The following PTPN13 variants were observed in gnomAD, a reference collection of about 807,000 sequenced individuals.
PTPN13 encodes the protein protein tyrosine phosphatase non-receptor type 13.
PTPN13 carries 191 observed loss-of-function variants against 284.0 expected under a neutral mutation model. That is an observed-to-expected ratio of 0.67 (90% CI 0.60 to 0.76). The LOEUF is 0.76. PTPN13 is among the 30% of genes least tolerant of loss of function. The pLI, the probability that PTPN13 is intolerant of heterozygous loss-of-function variation, is 0.00. For missense variants in PTPN13, 2,797 were observed against 2,939.9 expected (o/e 0.95, Z 1.12); for synonymous variants, 986 against 1,022.3 (o/e 0.96, Z 0.68).
intron 9 of PTPN13, 78 bp from the exon 10 acceptor site, chr4:86,722,134 T>A: frequency 8.1e-7 from 1 of 1,228,108 alleles, no homozygotes; most frequent in South Asian, 1.3e-5. Flanking sequence ...CAACCTTACT[T>A]AAAATGAAAT....
At chr4:86,657,697 G>A (rs1213776256) in intron 2 of PTPN13, among the ~76,000 whole-genome samples, 1 of 152,194 alleles carries the variant, frequency 6.6e-6, no homozygotes, top group African/African-American at 2.4e-5. Flanking sequence ...AGCAGGTGGT[G>A]AATCCTGCTG....
At chr4:86,694,451 G>T (rs918832145) in intron 6 of PTPN13, among the ~76,000 whole-genome samples, 1 of 151,256 alleles carries the variant, frequency 6.6e-6, no homozygotes, top group Non-Finnish European at 1.5e-5. Context: ...ATGGTGGCAG[G>T]CACCTGTAAT....
intron 2 of PTPN13, among the ~76,000 whole-genome samples, chr4:86,636,805 G>C (rs928021641): frequency 1.1e-4 from 17 of 152,022 alleles, no homozygotes; most frequent in Non-Finnish European, 2.2e-4. Flanking sequence ...AAAGCTACCA[G>C]AAGGCAAGAA....
At chr4:86,596,310 T>C (rs1763790653) in intron 1 of PTPN13, among the ~76,000 whole-genome samples, 1 of 152,230 alleles carries the variant, frequency 6.6e-6, no homozygotes, top group South Asian at 2.1e-4. Flanking sequence ...TTTGCATTTG[T>C]CCCACCATTT....
chr4:86,662,508 T>C (rs1726620743), intron 2 of PTPN13, among the ~76,000 whole-genome samples: 1 of 152,108 alleles, frequency 6.6e-6, no homozygotes, highest in Non-Finnish European at 1.5e-5. Flanking sequence ...ATTTTTATAA[T>C]TTTAGTAGAG....
rs1409870029 is a variant in PTPN13, at chr4:86,785,295, G to C, written c.6183G>C (p.Leu2061=). Residue 2061 remains leucine, a synonymous_variant, in exon 39 of 48, where the codon CTG becomes CTC. Coordinates refer to ENST00000411767, the MANE Select transcript of PTPN13 (RefSeq NM_080683.3). ...DSQEAEVIQS[L]LDVVDEEAQN... is the part of the protein sequence containing the mutation. ...AAGAAGCTGAAGTTATCCAGTCTCT[G>C]CTGGATGTTGTGGATGAGGAAGCCC... 1 of 1,604,118 alleles carries C rather than the reference G, an allele frequency of 6.2e-7. No individual in the cohort carries two copies. The highest frequency in any genetic ancestry group is 1.7e-5 in the Admixed American group (1 of 59,772).
chr4:86,660,745 G>C (rs1174623108), intron 2 of PTPN13, among the ~76,000 whole-genome samples: 1 of 152,026 alleles, frequency 6.6e-6, no homozygotes, highest in South Asian at 2.1e-4. Flanking sequence ...AATAATGTAG[G>C]TTATTTGATA....
intron 17 of PTPN13, among the ~76,000 whole-genome samples, chr4:86,750,172 A>G (rs550824806): frequency 4.6e-5 from 7 of 152,296 alleles, no homozygotes; most frequent in African/African-American, 1.7e-4. Flanking sequence ...CCTATAAGGA[A>G]TTTGGTGTCA....
Position 86,765,902 on chromosome 4 carries a change from A to C in PTPN13, c.4243+414A>C, listed in dbSNP as rs568011581. Among the ~76,000 whole-genome samples, 4 of 151,730 alleles carry C rather than the reference A, an allele frequency of 2.6e-5. No homozygotes were observed. In the East Asian group the frequency reaches 7.8e-4, roughly 30 times the overall value. Reference sequence around the variant, plus strand: ...GAGTGCAGTGGTGCGATCTCAGTTCACTGCAACCTCCGCCTCCTGGGTTCA... The same window carrying C: ...GAGTGCAGTGGTGCGATCTCAGTTCCCTGCAACCTCCGCCTCCTGGGTTCA... On this transcript the variant is annotated intron_variant, in intron 26 of 47. Coordinates refer to ENST00000411767, the MANE Select transcript of PTPN13 (RefSeq NM_080683.3).
chr4:86,723,828 C>A (rs990513802), intron 10 of PTPN13, among the ~76,000 whole-genome samples: 12 of 152,166 alleles, frequency 7.9e-5, no homozygotes, highest in Non-Finnish European at 2.9e-5. Flanking sequence ...TAATAGTAAA[C>A]CTGGTAAAAT....
At chr4:86,731,530 A>G (rs1734956245) in intron 10 of PTPN13, among the ~76,000 whole-genome samples, 2 of 152,210 alleles carry the variant, frequency 1.3e-5, no homozygotes, top group South Asian at 2.1e-4. Context: ...CACTATTTAA[A>G]ACGAAAAGTA....
intron 15 of PTPN13, 62 bp from the exon 16 acceptor site, chr4:86,741,572 T>C: frequency 6.9e-7 from 1 of 1,444,694 alleles, no homozygotes; most frequent in East Asian, 2.3e-5. Context: ...TCATACAGCT[T>C]CAATATCTTT....
Position 86,734,291 on chromosome 4 carries a change from C to A in PTPN13, c.1859-12C>A. 7.0e-7 allele frequency: 1 copy of A among 1,431,518 alleles called. No homozygotes were observed. The highest frequency in any genetic ancestry group is 9.3e-7 in the Non-Finnish European group (1 of 1,076,088). The allele number at this position is 1,431,518 out of a possible 1,614,324, so 88.7% of individuals were successfully genotyped here. ...TTTTATTTTATCTGAATATTTTTCT[C>A]ATTCTGTTTAGATAATGAATATTTC... On this transcript the variant is annotated splice_polypyrimidine_tract_variant and intron_variant, in intron 12 of 47. Coordinates refer to ENST00000411767, the MANE Select transcript of PTPN13 (RefSeq NM_080683.3).
chr4:86,629,952 A>G (rs963164309), intron 1 of PTPN13, among the ~76,000 whole-genome samples: 1 of 152,072 alleles, frequency 6.6e-6, no homozygotes, highest in African/African-American at 2.4e-5. Flanking sequence ...TTATATATAG[A>G]GACGAGGTAT....
chr4:86,737,798 C>T (rs1260122176), intron 15 of PTPN13, among the ~76,000 whole-genome samples: 1 of 152,026 alleles, frequency 6.6e-6, no homozygotes, highest in Non-Finnish European at 1.5e-5. Context: ...GGCATGATCT[C>T]GGCTCACTGC....
chr4:86,726,816 C>A (rs1295727970), intron 10 of PTPN13, among the ~76,000 whole-genome samples: 1 of 149,368 alleles, frequency 6.7e-6, no homozygotes, highest in Non-Finnish European at 1.5e-5. Flanking sequence ...CTTTCTCTTG[C>A]CTGATTGCCC....
Position 86,771,484 on chromosome 4 carries a change from C to T in PTPN13, c.5117C>T (p.Thr1706Ile). ...APKSQEDTIC[T>I]MFYYPQKIPN... ...AAGAGTCAAGAAGATACCATTTGTA[C>T]CATGTTTTACTATCCTCAGAAAATT... The change falls in exon 31 of 48, where the codon ACC (threonine) becomes ATC (isoleucine). Residue 1706 changes from threonine to isoleucine, a missense_variant. Transcript: ENST00000411767. The T allele has an allele frequency of 6.4e-7, 1 of 1,567,832 alleles. No homozygotes were observed. Among genetic ancestry groups the T allele is most frequent in the Non-Finnish European group, 8.7e-7 (1 of 1,154,214 alleles).
intron 17 of PTPN13, among the ~76,000 whole-genome samples, chr4:86,745,632 C>T (rs567979275): frequency 1.3e-5 from 2 of 152,174 alleles, no homozygotes; most frequent in East Asian, 3.9e-4. Flanking sequence ...AAAAATCAGC[C>T]AGGCGTGTTG....
chr4:86,685,565 T>G (rs1402185958), intron 3 of PTPN13, among the ~76,000 whole-genome samples: 2 of 152,152 alleles, frequency 1.3e-5, no homozygotes, highest in Admixed American at 1.3e-4. Flanking sequence ...TGAGCTATGA[T>G]TGCACCACCT....
Sources: allele counts gnomAD v4.1 joint callset (sites outside exome capture counted in the v4.1 genomes callset), GRCh38; gene constraint gnomAD v4.1.1; transcripts MANE v1.5; gene names NCBI Gene and HGNC (gene_info 2026-07-23, HGNC 2026-07-21).